Variants in TEX26 observed in about 807,000 individuals in gnomAD.
The protein encoded by TEX26 is testis-expressed protein 26.
In TEX26, 34 loss-of-function variants were observed where a neutral mutation model predicts 35.3. The observed-to-expected ratio is 0.96, with a 90% CI of 0.73 to 1.28. The LOEUF is 1.28. Ranked by LOEUF, TEX26 falls within the 50% of genes most tolerant of loss-of-function variation. The pLI, the probability that TEX26 is intolerant of heterozygous loss-of-function variation, is 0.00. For synonymous variants in TEX26, 136 were observed against 111.8 expected (o/e 1.22, Z -1.36); for missense variants, 371 against 330.1 (o/e 1.12, Z -0.96).
chr13:30,936,944 C>A (rs1953295002), intron 1 of TEX26: 1 of 985,400 alleles, frequency 1.0e-6, no homozygotes, highest in Non-Finnish European at 1.2e-6. Context: ...CAATGGCATA[C>A]TGTACTTTCA....
intron 2 of TEX26, among the ~76,000 whole-genome samples, chr13:30,950,765 T>C (rs1953890987): frequency 6.6e-6 from 1 of 152,154 alleles, no homozygotes; most frequent in Non-Finnish European, 1.5e-5. Context: ...AGACAAGTGG[T>C]TCCAAGTGGA....
intron 2 of TEX26, among the ~76,000 whole-genome samples, chr13:30,948,510 A>C (rs1243549976): frequency 6.6e-6 from 1 of 151,976 alleles, no homozygotes; most frequent in Non-Finnish European, 1.5e-5. Flanking sequence ...GCATTTTTTC[A>C]TGTGTTTTTT....
intron 1 of TEX26, among the ~76,000 whole-genome samples, chr13:30,934,662 G>A (rs1953200746): frequency 6.6e-6 from 1 of 152,174 alleles, no homozygotes; most frequent in African/African-American, 2.4e-5. Context: ...GGCTGCAGCA[G>A]GGAAGCACAG....
intron 4 of TEX26, among the ~76,000 whole-genome samples, chr13:30,962,550 T>C (rs1258345189): frequency 6.6e-6 from 1 of 152,226 alleles, no homozygotes; most frequent in African/African-American, 2.4e-5. Context: ...GGCCTTCCCA[T>C]GTGTTTTAAC....
chr13:30,951,903 T>G (rs536729955), intron 2 of TEX26, among the ~76,000 whole-genome samples: 61 of 150,352 alleles, frequency 4.1e-4, no homozygotes, highest in Non-Finnish European at 8.0e-4. Context: ...GGTTATTGTC[T>G]CTTACCTCAT....
chr13:30,949,553 C>G (rs1239418193), intron 2 of TEX26, among the ~76,000 whole-genome samples: 1 of 151,656 alleles, frequency 6.6e-6, no homozygotes, highest in Non-Finnish European at 1.5e-5. Flanking sequence ...ATAGAGAAGA[C>G]TATTAAAAGT....
chr13:30,958,204 G>T (rs1358511310), intron 4 of TEX26, among the ~76,000 whole-genome samples: 1 of 152,162 alleles, frequency 6.6e-6, no homozygotes, highest in Non-Finnish European at 1.5e-5. Flanking sequence ...TAGCTTCCAT[G>T]TCTCAGGGGG....
chr13:30,956,907 A>G lies in TEX26; in HGVS notation c.347A>G (p.Gln116Arg). 6.2e-7 allele frequency: 1 copy of G among 1,614,236 alleles called. No individual in the cohort carries two copies. Among genetic ancestry groups the G allele is most frequent in the East Asian group, 2.2e-5 (1 of 44,882 alleles). The change falls in exon 4 of 7, where the codon CAA becomes CGA. Residue 116 changes from glutamine to arginine, a missense_variant. By Grantham distance (43) the Gln-to-Arg change is conservative. Transcript: ENST00000380473. ...CTGTGGACACTACCTCACTGTCAAC[A>G]AACGGGGACACTAAAGAACTGCCTC... ...IFLWTLPHCQ[Q>R]TGTLKNCLPW...
intron 4 of TEX26, among the ~76,000 whole-genome samples, chr13:30,965,466 C>T (rs948053546): frequency 2.6e-5 from 4 of 152,146 alleles, no homozygotes; most frequent in Non-Finnish European, 5.9e-5. Flanking sequence ...TTTTTGACAT[C>T]TTTGTCTTTC....
rs141520316 is a variant in TEX26, at chr13:30,939,701, C to T, written c.69C>T (p.Asp23=). ...LCHHNLQPTD[D]PNWDSYATTM... ...GCTTTATTGTACTTTTAGCAGATGA[C>T]CCCAACTGGGATTCCTATGCTACCA... Residue 23 remains aspartate, a synonymous_variant, in exon 2 of 7, where the codon GAC becomes GAT. Coordinates refer to ENST00000380473, the MANE Select transcript of TEX26 (RefSeq NM_152325.3). 22 of 1,613,696 alleles carry T rather than the reference C, an allele frequency of 1.4e-5. No homozygotes were observed. Among genetic ancestry groups the T allele is most frequent in the Admixed American group, 6.7e-5 (4 of 60,008 alleles).
intron 6 of TEX26, among the ~76,000 whole-genome samples, chr13:30,974,131 A>AATATAT (rs1555271791): frequency 1.0e-3 from 84 of 84,400 alleles, no homozygotes; most frequent in Middle Eastern, 8.8e-3. Context: ...AAAAAAAAAA[A>AATATAT]ATATATATAT....
intron 2 of TEX26, among the ~76,000 whole-genome samples, chr13:30,942,241 T>G (rs1267542037): frequency 6.6e-6 from 1 of 152,188 alleles, no homozygotes; most frequent in Non-Finnish European, 1.5e-5. Flanking sequence ...GGTATCTCAT[T>G]GCAGTTTTCA....
chr13:30,953,193 C>A (rs771915640), intron 3 of TEX26, among the ~76,000 whole-genome samples: 2 of 152,142 alleles, frequency 1.3e-5, no homozygotes, highest in Non-Finnish European at 2.9e-5. Context: ...ACCCATTAAG[C>A]AATTACCCCC....
chr13:30,955,077 G>T (rs1196007348), intron 3 of TEX26, among the ~76,000 whole-genome samples: 3 of 150,832 alleles, frequency 2.0e-5, no homozygotes, highest in Non-Finnish European at 4.4e-5. Flanking sequence ...ATTTATTCAG[G>T]GGTGTCTAAT....
chr13:30,947,498 G>A (rs903741190), intron 2 of TEX26, among the ~76,000 whole-genome samples: 2 of 152,108 alleles, frequency 1.3e-5, no homozygotes, highest in African/African-American at 2.4e-5. Flanking sequence ...CTGATCAGCT[G>A]ACAACTTGGT....
At chr13:30,939,827 C>A in intron 2 of TEX26, 49 bp downstream of exon 2, 1 of 1,524,190 alleles carries the variant, frequency 6.6e-7, no homozygotes, top group Non-Finnish European at 9.1e-7. Context: ...AATTTGTTGA[C>A]TTGTCTTTTA....
chr13:30,965,853 A>G (rs1198696810), intron 4 of TEX26, among the ~76,000 whole-genome samples: 3 of 152,134 alleles, frequency 2.0e-5, no homozygotes, highest in African/African-American at 7.2e-5. Flanking sequence ...GATAGCAAGT[A>G]TTTACACTAA....
At chr13:30,963,343 G>T (rs889289926) in intron 4 of TEX26, among the ~76,000 whole-genome samples, 2 of 152,120 alleles carry the variant, frequency 1.3e-5, no homozygotes, top group Non-Finnish European at 2.9e-5. Flanking sequence ...CTAACTCATG[G>T]TTATTATTTT....
chr13:30,967,828 G>T (rs1474450137), intron 5 of TEX26, among the ~76,000 whole-genome samples: 1 of 152,078 alleles, frequency 6.6e-6, no homozygotes, highest in African/African-American at 2.4e-5. Flanking sequence ...AAGTGATTTG[G>T]GTGTTGCCTG....
Sources: gnomAD v4.1 joint callset for allele counts (sites outside exome capture counted in the v4.1 genomes callset) on GRCh38, gnomAD v4.1.1 for gene constraint, MANE v1.5 for transcripts, NCBI Gene and HGNC (gene_info 2026-07-23, HGNC 2026-07-21) for gene names.